Variants in PXK observed in about 807,000 individuals in gnomAD.
The protein encoded by PXK is PX domain containing serine/threonine kinase like.
In PXK, 35 loss-of-function variants were observed where a neutral mutation model predicts 84.7. That is an observed-to-expected ratio of 0.41 (90% CI 0.32 to 0.55). PXK has a LOEUF of 0.55. Ranked by LOEUF, PXK falls within the 20% of genes least tolerant of loss-of-function variation. PXK has a pLI of 0.21. For missense variants in PXK, 634 were observed against 699.7 expected, an observed-to-expected ratio of 0.91 and a Z score of 1.06; for synonymous variants, 253 against 260.8, an observed-to-expected ratio of 0.97 and a Z score of 0.29.
At chr3:58,420,425 C>G in intron 17 of PXK, 1 of 1,340,190 alleles carries the variant, frequency 7.5e-7, no homozygotes, top group South Asian at 1.3e-5. Context: ...GAATAATCAG[C>G]TTGTGATTCA....
chr3:58,405,825 T>C (rs962299551), intron 13 of PXK, among the ~76,000 whole-genome samples: 1 of 152,074 alleles, frequency 6.6e-6, no homozygotes. Context: ...GGGCTGTTGT[T>C]TGGAATGTCT....
At chr3:58,380,935 A>G (rs1217366994) in intron 3 of PXK, among the ~76,000 whole-genome samples, 2 of 152,116 alleles carry the variant, frequency 1.3e-5, no homozygotes, top group East Asian at 3.9e-4. Flanking sequence ...AAAAAAATGT[A>G]TCTCCTGCTC....
chr3:58,350,635 A>G lies in PXK; in HGVS notation c.103-15239A>G, dbSNP rs564518189. Among the ~76,000 whole-genome samples, 5 of 152,100 alleles carry G rather than the reference A, an allele frequency of 3.3e-5. No homozygotes were observed. In the South Asian group the frequency reaches 6.2e-4, roughly 19 times the overall value. On this transcript the variant is annotated intron_variant, in intron 1 of 17. Coordinates refer to ENST00000356151, the MANE Select transcript of PXK (RefSeq NM_017771.5). Reference sequence around the variant, plus strand: ...TGGTGCGCCCTTGTTTAAGGCATCTACCCTCTCTGAGCTTCAGGGTTTTTG... The same window carrying G: ...TGGTGCGCCCTTGTTTAAGGCATCTGCCCTCTCTGAGCTTCAGGGTTTTTG...
chr3:58,344,906 A>C (rs755858204), intron 1 of PXK, among the ~76,000 whole-genome samples: 29 of 152,226 alleles, frequency 1.9e-4, no homozygotes, highest in Non-Finnish European at 2.2e-4. Context: ...GCCAGACCTG[A>C]AGGGAGGCAG....
chr3:58,334,238 G>A (rs2097547914), intron 1 of PXK, among the ~76,000 whole-genome samples: 2 of 152,292 alleles, frequency 1.3e-5, no homozygotes, highest in South Asian at 4.1e-4. Context: ...GCCGTGCTTT[G>A]TAGGGCTTGA....
At chr3:58,422,721 A>G in intron 17 of PXK, 1 of 985,406 alleles carries the variant, frequency 1.0e-6, no homozygotes, top group South Asian at 4.7e-5. Flanking sequence ...GTTCTGTGCC[A>G]AGATGGCAGC....
At chr3:58,380,063 C>T (rs1428355327) in intron 3 of PXK, among the ~76,000 whole-genome samples, 1 of 151,856 alleles carries the variant, frequency 6.6e-6, no homozygotes, top group African/African-American at 2.4e-5. Flanking sequence ...ATAGGAGTTT[C>T]AGTAAAAGAA....
intron 1 of PXK, among the ~76,000 whole-genome samples, chr3:58,342,539 G>A (rs1468586017): frequency 1.3e-5 from 2 of 149,750 alleles, no homozygotes; most frequent in Non-Finnish European, 3.0e-5. Context: ...GGAAGCTGAG[G>A]CACGAGAATC....
In PXK at chr3:58,399,973, T is replaced by G. The variant is rs1489684423; in HGVS notation, c.1181+596T>G. Among the ~76,000 whole-genome samples, 1 of 152,134 alleles carries G rather than the reference T, an allele frequency of 6.6e-6. No individual in the cohort carries two copies. The highest frequency in any genetic ancestry group is 6.6e-5 in the Admixed American group (1 of 15,266). ...TAGATAACCAGGGCAGCTGAAATAG[T>G]GCTGTGGGGCCTTCCCTTCAGGTGC... On this transcript the variant is annotated intron_variant, in intron 12 of 17. Coordinates refer to ENST00000356151, the MANE Select transcript of PXK (RefSeq NM_017771.5). This position sits in a 1 kb window ranked among gnomAD's most constrained non-coding sequence, Gnocchi z 4.3.
intron 1 of PXK, among the ~76,000 whole-genome samples, chr3:58,350,167 G>T (rs2097896257): frequency 6.6e-6 from 1 of 152,184 alleles, no homozygotes; most frequent in Non-Finnish European, 1.5e-5. Context: ...TTATAAAAAT[G>T]TTCCTTTCGA....
intron 1 of PXK, among the ~76,000 whole-genome samples, chr3:58,343,524 GGT>G (rs1036324481): frequency 3.3e-5 from 5 of 152,198 alleles, no homozygotes; most frequent in Admixed American, 2.0e-4. Flanking sequence ...GGAATGCAGT[GGT>G]GAGCAGTCGC....
At chr3:58,342,214 C>T (rs1213531079) in intron 1 of PXK, among the ~76,000 whole-genome samples, 1 of 152,152 alleles carries the variant, frequency 6.6e-6, no homozygotes, top group African/African-American at 2.4e-5. Context: ...GGCCCAACTC[C>T]TTTAAGGATC....
rs751265673 is a variant in PXK at position 58,409,614 on chromosome 3, G to A, written c.1391G>A (p.Arg464Gln). The change falls in exon 15 of 18, where the codon CGA (arginine) becomes CAA (glutamine). Residue 464 changes from arginine to glutamine, a missense_variant. This residue lies in a region of PXK where 273 missense variants were observed against 283.6 expected (regional missense o/e 0.96). Coordinates refer to ENST00000356151, the MANE Select transcript of PXK (RefSeq NM_017771.5). The surrounding 1 kb of genome is among the most constrained non-coding windows in gnomAD (Gnocchi z 4.2). ...EERKKRKILA[R>Q]KKSKRSALEN... is the part of the protein sequence containing the mutation. ...AGAAAAAAAAGAAAGATTTTAGCTC[G>A]AAAGGTAAGCCTGCTGTCTCTCTGC... 17 of 1,610,686 alleles carry A rather than the reference G, an allele frequency of 1.1e-5. No homozygotes were observed. The highest frequency in any genetic ancestry group is 4.4e-5 in the South Asian group (4 of 90,746).
chr3:58,421,749 G>A lies in PXK; in HGVS notation c.1529-3003G>A. 1.0e-6 allele frequency: 1 copy of A among 985,442 alleles called. No individual in the cohort carries two copies. The highest frequency in any genetic ancestry group is 1.2e-6 in the Non-Finnish European group (1 of 829,922). 61.0% of individuals were successfully genotyped at this position (985,442 alleles called of 1,614,324 possible). ...CTGCCAGGTTCCCGTGTGGTTTGGTGGAGAAGATTTTGGGGTGGGTAGAGT... is the reference window on the plus strand; with the variant it reads ...CTGCCAGGTTCCCGTGTGGTTTGGTAGAGAAGATTTTGGGGTGGGTAGAGT... On this transcript the variant is annotated intron_variant, in intron 17 of 17. Transcript: ENST00000356151. The surrounding 1 kb of genome is among the most constrained non-coding windows in gnomAD (Gnocchi z 5.5).
At chr3:58,361,322 CAG>C (rs1298888381) in intron 1 of PXK, among the ~76,000 whole-genome samples, 1 of 143,130 alleles carries the variant, frequency 7.0e-6, no homozygotes, top group African/African-American at 2.7e-5. Flanking sequence ...AAAAAAAATG[CAG>C]AGAGATCCCA....
chr3:58,373,857 A>C (rs1390272407), intron 3 of PXK, among the ~76,000 whole-genome samples: 1 of 151,918 alleles, frequency 6.6e-6, no homozygotes, highest in Non-Finnish European at 1.5e-5. Context: ...CATCCTGGCT[A>C]ACATGGTGAA....
At chr3:58,336,097 A>T (rs1243020357) in intron 1 of PXK, among the ~76,000 whole-genome samples, 1 of 103,908 alleles carries the variant, frequency 9.6e-6, no homozygotes, top group Non-Finnish European at 1.9e-5. Context: ...TTTAATACCA[A>T]TGGGGTTCTT....
At chr3:58,349,379 G>A (rs7624378) in intron 1 of PXK, among the ~76,000 whole-genome samples, 14,028 of 137,176 alleles carry the variant, frequency 0.1, 935 homozygotes, top group African/African-American at 0.17. Context: ...TTTTTGAGAC[G>A]GAGTCTCACT....
chr3:58,340,942 G>A (rs1483004564), intron 1 of PXK, among the ~76,000 whole-genome samples: 4 of 151,144 alleles, frequency 2.6e-5, no homozygotes, highest in Non-Finnish European at 5.9e-5. Context: ...TAAGTGTTTG[G>A]GATACCAGAG....
Sources: gnomAD v4.1 joint callset for allele counts (sites outside exome capture counted in the v4.1 genomes callset) on GRCh38, gnomAD v4.1.1 for gene constraint, gnomAD v4.1.1 regional missense constraint, Gnocchi (gnomAD v3.1) non-coding constraint, MANE v1.5 for transcripts, NCBI Gene and HGNC (gene_info 2026-07-23, HGNC 2026-07-21) for gene names.